Variants in DNER observed in about 807,000 individuals in gnomAD.
DNER encodes delta/notch like EGF repeat containing, also known as delta and Notch-like epidermal growth factor-related receptor.
In DNER, 33 loss-of-function variants were observed where a neutral mutation model predicts 78.2. That is an observed-to-expected ratio of 0.42 (90% CI 0.32 to 0.56). The LOEUF (loss-of-function observed/expected upper bound fraction) is 0.56, where lower values mean the gene tolerates loss of function less well. DNER is among the 20% of genes least tolerant of loss of function. The probability of loss-of-function intolerance (pLI) is 0.11; values close to 1 mark genes in which losing one functional copy is unlikely to be tolerated. For missense variants in DNER, 918 were observed against 975.3 expected, an observed-to-expected ratio of 0.94 and a Z score of 0.78; for synonymous variants, 417 against 384.8, an observed-to-expected ratio of 1.08 and a Z score of -0.98.
At chr2:229,606,292 A>C (rs373673743) in intron 1 of DNER, 2 of 152,124 alleles carry the variant, frequency 1.3e-5, no homozygotes, top group African/African-American at 2.4e-5. Context: ...TTTTACAGGA[A>C]GGCCCCTCTC....
At chr2:229,684,403 G>A (rs774912618) in intron 1 of DNER, among the ~76,000 whole-genome samples, 3 of 151,714 alleles carry the variant, frequency 2.0e-5, no homozygotes, top group Non-Finnish European at 2.9e-5. Flanking sequence ...TCCTCTACCC[G>A]GATTTCAAAT....
chr2:229,360,356 C>T (rs1051959691), intron 12 of DNER, among the ~76,000 whole-genome samples: 11 of 152,244 alleles, frequency 7.2e-5, no homozygotes, highest in African/African-American at 2.2e-4. Flanking sequence ...ACTAATTATT[C>T]GATTGGTTGG....
chr2:229,599,912 G>T (rs1697795974), intron 1 of DNER, among the ~76,000 whole-genome samples: 1 of 152,158 alleles, frequency 6.6e-6, no homozygotes, highest in South Asian at 2.1e-4. Context: ...GGAAAGGAGG[G>T]AGGGAGGAAA....
intron 1 of DNER, among the ~76,000 whole-genome samples, chr2:229,655,208 G>A (rs1380932175): frequency 4.6e-5 from 7 of 151,796 alleles, no homozygotes; most frequent in South Asian, 2.1e-4. Context: ...TAGGCCAGGT[G>A]CAATCAAGAA....
chr2:229,683,662 A>T (rs2154217184), intron 1 of DNER, among the ~76,000 whole-genome samples: 1 of 152,282 alleles, frequency 6.6e-6, no homozygotes, highest in East Asian at 1.9e-4. Flanking sequence ...GATGATGATG[A>T]TGGTGACAAT....
chr2:229,463,139 C>T (rs2396665), intron 7 of DNER, among the ~76,000 whole-genome samples: 58,250 of 151,882 alleles, frequency 0.38, 13,081 homozygotes, highest in African/African-American at 0.62. Context: ...CACAGGCTTC[C>T]TGGAGGAGGA....
rs144506656 is a variant in DNER, at chr2:229,592,406, C to T, written c.277-518G>A. Reference sequence around the variant, plus strand: ...GTCAACAATACTTTTTAAGGTGATACTGTACTATTTAATTAAAGACTTCCA... The same window carrying T: ...GTCAACAATACTTTTTAAGGTGATATTGTACTATTTAATTAAAGACTTCCA... On this transcript the variant is annotated intron_variant, in intron 1 of 12. Coordinates refer to ENST00000341772, the MANE Select transcript of DNER (RefSeq NM_139072.4). Among the ~76,000 whole-genome samples the T allele has an allele frequency of 3.9e-5, 6 of 152,298 alleles. No homozygotes were observed. In the East Asian group the frequency reaches 1.2e-3, roughly 29 times the overall value.
intron 1 of DNER, among the ~76,000 whole-genome samples, chr2:229,713,822 G>A (rs936717021): frequency 1.3e-5 from 2 of 152,104 alleles, no homozygotes; most frequent in African/African-American, 4.8e-5. Flanking sequence ...CCGCTCAAGT[G>A]GTTCTTGGCT....
chr2:229,501,234 C>T (rs368418146), intron 6 of DNER, among the ~76,000 whole-genome samples: 7 of 151,380 alleles, frequency 4.6e-5, no homozygotes, highest in African/African-American at 1.7e-4. Flanking sequence ...TGTACAACAC[C>T]GTGACTATAG....
intron 12 of DNER, among the ~76,000 whole-genome samples, chr2:229,362,355 C>A (rs557493114): frequency 6.6e-6 from 1 of 152,318 alleles, no homozygotes; most frequent in Non-Finnish European, 1.5e-5. Flanking sequence ...GGCTTCCAAG[C>A]CTAGATGCTG....
At chr2:229,513,616 C>T (rs1490267742) in intron 5 of DNER, among the ~76,000 whole-genome samples, 3 of 152,070 alleles carry the variant, frequency 2.0e-5, no homozygotes, top group Admixed American at 6.6e-5. Flanking sequence ...GGTTTCTGTC[C>T]CCTTCTTAAT....
chr2:229,638,187 T>TA (rs1016017424), intron 1 of DNER, among the ~76,000 whole-genome samples: 1 of 152,236 alleles, frequency 6.6e-6, no homozygotes, highest in Non-Finnish European at 1.5e-5. Flanking sequence ...CAGGCTTTTT[T>TA]ATAGAGATTG....
At chr2:229,533,073 G>C (rs1024960277) in intron 5 of DNER, among the ~76,000 whole-genome samples, 3 of 152,174 alleles carry the variant, frequency 2.0e-5, no homozygotes, top group Non-Finnish European at 2.9e-5. Context: ...CCACAGATGA[G>C]AGACTACAAT....
chr2:229,514,095 T>C (rs1286600488), intron 5 of DNER, among the ~76,000 whole-genome samples: 1 of 152,174 alleles, frequency 6.6e-6, no homozygotes, highest in Non-Finnish European at 1.5e-5. Flanking sequence ...TTCCTGCACA[T>C]TTCTTGATAA....
chr2:229,457,659 G>GA (rs1694605290), intron 7 of DNER, among the ~76,000 whole-genome samples: 1 of 148,894 alleles, frequency 6.7e-6, no homozygotes, highest in Admixed American at 6.7e-5. Flanking sequence ...GAACATATGA[G>GA]AAAAATAGAA....
At chr2:229,449,465 T>G (rs1694407012) in intron 7 of DNER, among the ~76,000 whole-genome samples, 1 of 152,210 alleles carries the variant, frequency 6.6e-6, no homozygotes, top group South Asian at 2.1e-4. Flanking sequence ...CAATATTTTT[T>G]TCTTAATATG....
intron 1 of DNER, among the ~76,000 whole-genome samples, chr2:229,619,650 T>G (rs527805674): frequency 2.6e-5 from 4 of 152,302 alleles, no homozygotes; most frequent in African/African-American, 9.6e-5. Context: ...CTGGTACGTA[T>G]AGTGTACTGA....
chr2:229,512,496 C>T (rs954843900), intron 6 of DNER, among the ~76,000 whole-genome samples: 7 of 152,172 alleles, frequency 4.6e-5, no homozygotes, highest in African/African-American at 1.4e-4. Flanking sequence ...TGTTCTCACT[C>T]ATAAATGGGA....
intron 6 of DNER, among the ~76,000 whole-genome samples, chr2:229,501,152 G>T (rs1183183426): frequency 6.6e-6 from 1 of 151,918 alleles, no homozygotes; most frequent in African/African-American, 2.4e-5. Context: ...GACAAGATTG[G>T]AGAGATTTAA....
Sources: allele counts gnomAD v4.1 joint callset (sites outside exome capture counted in the v4.1 genomes callset), GRCh38; gene constraint gnomAD v4.1.1; transcripts MANE v1.5; gene names NCBI Gene and HGNC (gene_info 2026-07-23, HGNC 2026-07-21).